LIPC: variants seen among roughly 807,000 people sequenced by gnomAD.
LIPC encodes the protein lipase C, hepatic type.
In LIPC, 44 loss-of-function variants were observed where a neutral mutation model predicts 50.7. The ratio of observed to expected loss-of-function variants is 0.87; its 90% CI spans 0.68 to 1.11. The LOEUF is 1.11. Among genes scored for constraint, LIPC ranks in the 50% most tolerant of loss-of-function variants. LIPC has a pLI of 0.00. For synonymous variants in LIPC, 271 were observed against 256.4 expected (o/e 1.06, Z -0.54); for missense variants, 697 against 648.2 (o/e 1.08, Z -0.82).
At chr15:58,510,047 T>A (rs1484811506) in intron 1 of LIPC, among the ~76,000 whole-genome samples, 1 of 152,248 alleles carries the variant, frequency 6.6e-6, no homozygotes, top group African/African-American at 2.4e-5. Flanking sequence ...GTTAATAAAA[T>A]GTACATGCGC....
At chr15:58,445,462 C>A (rs488490) in intron 1 of LIPC, among the ~76,000 whole-genome samples, 131,454 of 152,234 alleles carry the variant, frequency 0.86, 56,807 homozygotes, top group East Asian at 0.97. Flanking sequence ...TCCCTTCCCA[C>A]ATAGAAGGGT....
At chr15:58,465,443 T>G (rs1466664136) in intron 1 of LIPC, among the ~76,000 whole-genome samples, 5 of 152,162 alleles carry the variant, frequency 3.3e-5, no homozygotes, top group African/African-American at 9.7e-5. Context: ...AAATTCCACA[T>G]GAACAACAGA....
chr15:58,491,368 C>A (rs997234144), intron 1 of LIPC, among the ~76,000 whole-genome samples: 22 of 152,232 alleles, frequency 1.4e-4, no homozygotes, highest in African/African-American at 5.3e-4. Context: ...AGGCAAGTCA[C>A]TCAGCTTCTC....
At position 58,541,778 on chromosome 15, in the gene LIPC, T is replaced by A; in HGVS notation, c.274-7T>A. ...CTAGTGCGACCCTCCCTCTGTCCCC[T>A]CCTCAGGTGGACGGCGTGCTAGAAA... On this transcript the variant is annotated splice_polypyrimidine_tract_variant and splice_region_variant and intron_variant, in intron 2 of 8. Transcript: ENST00000299022. 6.2e-7 allele frequency: 1 copy of A among 1,612,956 alleles called. No homozygotes were observed. The highest frequency in any genetic ancestry group is 8.5e-7 in the Non-Finnish European group (1 of 1,179,710).
chr15:58,436,994 G>A, intron 1 of LIPC: 2 of 401,076 alleles, frequency 5.0e-6, no homozygotes, highest in South Asian at 1.9e-5. Context: ...GAAACAATGT[G>A]AATGCCCAAG....
chr15:58,448,475 G>A (rs1271842279), intron 1 of LIPC, among the ~76,000 whole-genome samples: 1 of 152,248 alleles, frequency 6.6e-6, no homozygotes, highest in Non-Finnish European at 1.5e-5. Flanking sequence ...CAAGGACAGG[G>A]AGGCAAAGGT....
intron 1 of LIPC, among the ~76,000 whole-genome samples, chr15:58,486,608 C>A (rs1226695437): frequency 1.3e-5 from 2 of 152,198 alleles, no homozygotes; most frequent in Non-Finnish European, 2.9e-5. Context: ...AGCCCAGACT[C>A]AGCATATTTA....
At chr15:58,568,477 C>T (rs1293792224) in intron 8 of LIPC, among the ~76,000 whole-genome samples, 2 of 152,228 alleles carry the variant, frequency 1.3e-5, no homozygotes, top group Admixed American at 1.3e-4. Flanking sequence ...GACTTTCCTT[C>T]TTACAGAACT....
chr15:58,542,180 C>T (rs1023778203), intron 3 of LIPC, among the ~76,000 whole-genome samples: 2 of 152,212 alleles, frequency 1.3e-5, no homozygotes, highest in Non-Finnish European at 2.9e-5. Context: ...ACCTTCTCCC[C>T]TCTCCTCATC....
intron 4 of LIPC, among the ~76,000 whole-genome samples, chr15:58,542,867 G>A (rs1239299819): frequency 6.6e-6 from 1 of 152,170 alleles, no homozygotes; most frequent in Non-Finnish European, 1.5e-5. Context: ...AATTCCTATT[G>A]CCTGCCCTCA....
intron 1 of LIPC, among the ~76,000 whole-genome samples, chr15:58,452,102 A>G (rs1893920892): frequency 6.6e-6 from 1 of 152,186 alleles, no homozygotes; most frequent in Non-Finnish European, 1.5e-5. Flanking sequence ...AAGGCTGTGT[A>G]TGTTGAATAC....
At chr15:58,462,058 T>G (rs1257335760) in intron 1 of LIPC, among the ~76,000 whole-genome samples, 1 of 152,190 alleles carries the variant, frequency 6.6e-6, no homozygotes, top group African/African-American at 2.4e-5. Context: ...ATGCCAAATG[T>G]CTGTACCCCT....
intron 1 of LIPC, among the ~76,000 whole-genome samples, chr15:58,446,694 C>T (rs1159909686): frequency 1.3e-5 from 2 of 152,166 alleles, no homozygotes; most frequent in Admixed American, 1.3e-4. Flanking sequence ...ACACCTCTCT[C>T]CCTGCTGGAG....
intron 1 of LIPC, among the ~76,000 whole-genome samples, chr15:58,514,774 A>G (rs1892436468): frequency 6.6e-6 from 1 of 152,224 alleles, no homozygotes; most frequent in South Asian, 2.1e-4. Context: ...TGGTGAGCCA[A>G]GATGGTGCCA....
chr15:58,437,920 G>A (rs1337200556), intron 1 of LIPC, among the ~76,000 whole-genome samples: 1 of 152,142 alleles, frequency 6.6e-6, no homozygotes, highest in East Asian at 1.9e-4. Context: ...CTGTGGTCCT[G>A]CTGAAAGGTC....
chr15:58,475,734 C>A (rs1204017350), intron 1 of LIPC, among the ~76,000 whole-genome samples: 4 of 152,216 alleles, frequency 2.6e-5, no homozygotes, highest in Admixed American at 2.6e-4. Flanking sequence ...ACAAAGGGAG[C>A]CACTGAGAGA....
intron 1 of LIPC, among the ~76,000 whole-genome samples, chr15:58,486,189 T>C (rs1425722343): frequency 3.3e-5 from 5 of 152,158 alleles, no homozygotes; most frequent in Admixed American, 6.5e-5. Flanking sequence ...TCTGCCTGGT[T>C]CCTCCTCCTC....
intron 1 of LIPC, among the ~76,000 whole-genome samples, chr15:58,482,085 C>T (rs959414862): frequency 3.9e-5 from 6 of 152,152 alleles, no homozygotes; most frequent in African/African-American, 1.4e-4. Flanking sequence ...CAAGTGCATG[C>T]ATTATCTTTC....
chr15:58,554,684 C>G (rs1276232533), intron 6 of LIPC, among the ~76,000 whole-genome samples: 3 of 151,700 alleles, frequency 2.0e-5, no homozygotes, highest in African/African-American at 7.3e-5. Flanking sequence ...TGTGTGAGCC[C>G]AGGATTTTGA....
Sources: gnomAD v4.1 joint callset for allele counts (sites outside exome capture counted in the v4.1 genomes callset) on GRCh38, gnomAD v4.1.1 for gene constraint, MANE v1.5 for transcripts, NCBI Gene and HGNC (gene_info 2026-07-23, HGNC 2026-07-21) for gene names.